Variants in INSRR observed in about 807,000 individuals in gnomAD.
INSRR encodes insulin receptor-related protein.
INSRR carries 114 observed loss-of-function variants against 130.0 expected under a neutral mutation model. The ratio of observed to expected loss-of-function variants is 0.88; its 90% confidence interval spans 0.75 to 1.02. The LOEUF (loss-of-function observed/expected upper bound fraction) is 1.02. Among genes scored for constraint, INSRR ranks in the 50% least tolerant of loss-of-function variants. INSRR has a pLI of 0.00. For synonymous variants in INSRR, 674 were observed against 705.2 expected (o/e 0.96, Z 0.70); for missense variants, 1,657 against 1,735.2 (o/e 0.95, Z 0.80).
intron 16 of INSRR, 58 bp from the exon 17 acceptor site, chr1:156,843,291 C>G: frequency 6.3e-7 from 1 of 1,575,898 alleles, no homozygotes; most frequent in Non-Finnish European, 8.7e-7. Context: ...CACCTCACCC[C>G]CCAACTTCTC....
intron 12 of INSRR, 35 bp from the exon 13 acceptor site, chr1:156,844,878 G>T (rs1476506430): frequency 6.2e-7 from 1 of 1,612,334 alleles, no homozygotes; most frequent in African/African-American, 1.3e-5. Context: ...CGGGCCAAAA[G>T]TGGTTCATCT....
In INSRR at chr1:156,851,707, T is replaced by C. The variant is rs1485077452; in HGVS notation, c.1023A>G (p.Ala341=). 1.2e-6 allele frequency: 2 copies of C among 1,614,116 alleles called. No individual in the cohort carries two copies. The highest frequency in any genetic ancestry group is 1.7e-6 in the Non-Finnish European group (2 of 1,180,034). ...GTKTIDSIQA[A]QDLVGCTHVE... is the part of the protein sequence containing the mutation. Reference sequence around the variant, plus strand: ...CATGCGTGCAGCCCACAAGATCCTGTGCCGCCTGGATGGAGTCGATGGTCT... The same window carrying C: ...CATGCGTGCAGCCCACAAGATCCTGCGCCGCCTGGATGGAGTCGATGGTCT... The change falls in exon 4 of 22, where the codon GCA becomes GCG. Residue 341 remains alanine, a synonymous_variant. Coordinates refer to ENST00000368195, the MANE Select transcript of INSRR (RefSeq NM_014215.3).
chr1:156,858,244 A>G (rs1655479718), intron 1 of INSRR, among the ~76,000 whole-genome samples: 1 of 152,170 alleles, frequency 6.6e-6, no homozygotes, highest in Admixed American at 6.5e-5. Context: ...TCACGGCCTC[A>G]TTTGGGTTTT....
At chr1:156,841,228 A>G in intron 21 of INSRR, 124 bp from the exon 22 acceptor site, 1 of 965,066 alleles carries the variant, frequency 1.0e-6, no homozygotes, top group Non-Finnish European at 1.6e-6. Context: ...GAGGGTGAGA[A>G]GGGATTAAAT....
intron 1 of INSRR, among the ~76,000 whole-genome samples, chr1:156,855,469 T>C (rs1655376631): frequency 6.6e-6 from 1 of 152,088 alleles, no homozygotes. Flanking sequence ...CCTCCCAAAG[T>C]GCTGGGATTA....
intron 8 of INSRR, 57 bp from the exon 9 acceptor site, chr1:156,846,176 C>G: frequency 6.7e-7 from 1 of 1,491,926 alleles, no homozygotes; most frequent in African/African-American, 1.4e-5. Flanking sequence ...TGAATACTAT[C>G]TAGTAATGAG....
Position 156,854,428 on chromosome 1 carries a change from T to C in INSRR, c.86-125A>G, listed in dbSNP as rs1465869238. 1 of 1,069,894 alleles carries C rather than the reference T, an allele frequency of 9.3e-7. No individual in the cohort carries two copies. The highest frequency in any genetic ancestry group is 2.5e-5 in the Admixed American group (1 of 39,324). 66.3% of individuals were successfully genotyped at this position (1,069,894 alleles called of 1,614,324 possible). On this transcript the variant is annotated intron_variant, in intron 1 of 21. Coordinates refer to ENST00000368195, the MANE Select transcript of INSRR (RefSeq NM_014215.3). This position sits in a 1 kb window ranked among gnomAD's most constrained non-coding sequence, Gnocchi z 4.2. ...ATGAGTGAGGAGCCGGGCTCTGCTC[T>C]GGGTGTGGGGTGGCCTCCTTCCTGG... is the stretch of plus-strand genomic sequence containing the variant.
chr1:156,842,793 T>A (rs1217886431), intron 17 of INSRR, among the ~76,000 whole-genome samples: 1 of 152,204 alleles, frequency 6.6e-6, no homozygotes, highest in Non-Finnish European at 1.5e-5. Context: ...CAATCATGAC[T>A]GATCTCAGCC....
Position 156,845,935 on chromosome 1 carries a change from G to A in INSRR, c.1978+17C>T, listed in dbSNP as rs762915390. 1.2e-6 allele frequency: 2 copies of A among 1,607,952 alleles called. No homozygotes were observed. Among genetic ancestry groups the A allele is most frequent in the East Asian group, 2.2e-5 (1 of 44,548 alleles). On this transcript the variant is annotated intron_variant, in intron 9 of 21. Coordinates refer to ENST00000368195, the MANE Select transcript of INSRR (RefSeq NM_014215.3). Reference sequence around the variant, plus strand: ...CCCACCCGCCCCGCGGCCGGCCTGCGCGTCGTCCCTGCGCACCGCGGTGGC... The same window carrying A: ...CCCACCCGCCCCGCGGCCGGCCTGCACGTCGTCCCTGCGCACCGCGGTGGC...
chr1:156,843,319 G>C, intron 16 of INSRR, 86 bp from the exon 17 acceptor site: 4 of 1,559,076 alleles, frequency 2.6e-6, no homozygotes, highest in Non-Finnish European at 3.5e-6. Context: ...CTTCTGAAGG[G>C]CTCTTGTCCC....
intron 2 of INSRR, among the ~76,000 whole-genome samples, chr1:156,853,121 C>T (rs1655284868): frequency 6.6e-6 from 1 of 152,094 alleles, no homozygotes; most frequent in Admixed American, 6.5e-5. Flanking sequence ...CCTAAAGGTC[C>T]CACCTTACAT....
intron 1 of INSRR, among the ~76,000 whole-genome samples, chr1:156,856,902 C>T (rs1028911724): frequency 6.6e-6 from 1 of 152,144 alleles, no homozygotes; most frequent in Non-Finnish European, 1.5e-5. Context: ...TTCCGTGGCT[C>T]CCCACTGCAG....
rs746152671 is a variant in INSRR at position 156,841,086 on chromosome 1, G to T, written c.3681C>A (p.Arg1227=). ...GCAGGCGTGGGTTCGGCTGCCAGCA[G>T]CGGCTCATCAGCTCCTGCCTGGTGG... The part of the protein sequence containing the change: ...CPLQLQELMS[R]CWQPNPRLRP... The change falls in exon 22 of 22, where the codon CGC becomes CGA. Residue 1227 remains arginine, a synonymous_variant. Transcript: ENST00000368195. The T allele has an allele frequency of 1.6e-5, 25 of 1,564,120 alleles. No individual in the cohort carries two copies. The highest frequency in any genetic ancestry group is 2.1e-5 in the Non-Finnish European group (24 of 1,154,226).
chr1:156,854,434 T>A lies in INSRR; in HGVS notation c.86-131A>T. 4 of 997,756 alleles carry A rather than the reference T, an allele frequency of 4.0e-6. No individual in the cohort carries two copies. The highest frequency in any genetic ancestry group is 3.3e-5 in the South Asian group (2 of 59,732). 61.8% of individuals were successfully genotyped at this position (997,756 alleles called of 1,614,324 possible). A position where few individuals can be genotyped will look rare whatever the true frequency, so the allele number is the denominator to read the frequency against. ...GAGGAGCCGGGCTCTGCTCTGGGTG[T>A]GGGGTGGCCTCCTTCCTGGGCCCCG... On this transcript the variant is annotated intron_variant, in intron 1 of 21. Coordinates refer to ENST00000368195, the MANE Select transcript of INSRR (RefSeq NM_014215.3). The surrounding 1 kb of genome is among the most constrained non-coding windows in gnomAD (Gnocchi z 4.2).
rs1039215180 is a variant in INSRR, at chr1:156,841,752, C to T, written c.3440G>A (p.Arg1147His). ...TRDVYETDYY[R>H]KGGKGLLPVR... ...GGGCAGCAGCCCCTTCCCACCCTTG[C>T]GGTAATAGTCTGTCTCATACACGTC... The change falls in exon 20 of 22, where the codon CGC becomes CAC. Residue 1147 changes from arginine to histidine, a missense_variant. Transcript: ENST00000368195. 33 of 1,613,990 alleles carry T rather than the reference C, an allele frequency of 2.0e-5. No individual in the cohort carries two copies. The highest frequency in any genetic ancestry group is 3.3e-5 in the South Asian group (3 of 91,084).
Position 156,845,203 on chromosome 1 carries a change from C to T in INSRR, c.2310G>A (p.Glu770=). The change falls in exon 12 of 22, where the codon GAG becomes GAA. Residue 770 remains glutamate (E), a synonymous_variant. Transcript: ENST00000368195. ...FEIQEDKVPR[E]RAVLSGLRHF... ...GGCGCAGGCCGCTCAGCACCGCTCG[C>T]TCACGGGGCACCTTGTCCTCCTGGA... 2 of 1,609,566 alleles carry T rather than the reference C, an allele frequency of 1.2e-6. No homozygotes were observed. The highest frequency in any genetic ancestry group is 1.7e-4 in the Middle Eastern group (1 of 6,054).
chr1:156,853,572 A>T (rs955219272), intron 2 of INSRR, among the ~76,000 whole-genome samples, 180 bp downstream of exon 2: 3 of 152,146 alleles, frequency 2.0e-5, no homozygotes, highest in Admixed American at 2.0e-4. Flanking sequence ...TAGCTGTCTT[A>T]TGCCACATTG....
chr1:156,843,809 T>C lies in INSRR; in HGVS notation c.2844-330A>G, dbSNP rs1372599746. Among the ~76,000 whole-genome samples the C allele has an allele frequency of 3.3e-5, 5 of 152,302 alleles. No homozygotes were observed. The South Asian group carries it at 1.0e-3, about 32-fold the overall frequency. ...CTGACATCAGGCATTCTGGAACACA[T>C]CCCCAGGCCTCCTGCTTCTTCTCCT... On this transcript the variant is annotated intron_variant, in intron 15 of 21. Coordinates refer to ENST00000368195, the MANE Select transcript of INSRR (RefSeq NM_014215.3).
At chr1:156,853,088 C>CT (rs1341000498) in intron 2 of INSRR, among the ~76,000 whole-genome samples, 1 of 152,136 alleles carries the variant, frequency 6.6e-6, no homozygotes, top group Non-Finnish European at 1.5e-5. Context: ...TTCTCTACTG[C>CT]TTTTTTCCTC....
Sources: allele counts gnomAD v4.1 joint callset (sites outside exome capture counted in the v4.1 genomes callset), GRCh38; gene constraint gnomAD v4.1.1; non-coding constraint Gnocchi (gnomAD v3.1); transcripts MANE v1.5; gene names NCBI Gene and HGNC (gene_info 2026-07-23, HGNC 2026-07-21).